The following ALG6 variants were observed in gnomAD, a reference collection of about 807,000 sequenced individuals.
ALG6 encodes ALG6 alpha-1,3-glucosyltransferase.
Under a neutral mutation model 66.6 loss-of-function variants are expected in ALG6, and 46 were observed. The ratio of observed to expected loss-of-function variants is 0.69; its 90% CI spans 0.55 to 0.88. ALG6 has a LOEUF of 0.88. ALG6 is among the 40% of genes least tolerant of loss of function. The pLI is 0.00. For synonymous variants in ALG6, 185 were observed against 203.7 expected, an observed-to-expected ratio of 0.91 and a Z score of 0.78; for missense variants, 505 against 586.8, an observed-to-expected ratio of 0.86 and a Z score of 1.44.
intron 2 of ALG6, among the ~76,000 whole-genome samples, chr1:63,380,284 A>G (rs561813719): frequency 1.1e-4 from 17 of 152,330 alleles, no homozygotes; most frequent in African/African-American, 4.1e-4. Flanking sequence ...GCCAGACTGT[A>G]ATGAACTGAG....
intron 10 of ALG6, 68 bp from the exon 11 acceptor site, chr1:63,415,805 T>G (rs778562358): frequency 2.0e-5 from 19 of 927,132 alleles, no homozygotes; most frequent in Non-Finnish European, 3.1e-5. Flanking sequence ...TAAAAAATAT[T>G]TCCTTATTTA....
chr1:63,422,100 TAA>T (rs1644577495), intron 12 of ALG6, among the ~76,000 whole-genome samples: 1 of 99,500 alleles, frequency 1.0e-5, no homozygotes, highest in African/African-American at 3.7e-5. Flanking sequence ...TATAAATATA[TAA>T]ATATAAATAT....
intron 12 of ALG6, among the ~76,000 whole-genome samples, chr1:63,424,619 G>A (rs1644605397): frequency 6.6e-6 from 1 of 151,802 alleles, no homozygotes; most frequent in Admixed American, 6.6e-5. Context: ...TTTTGATGAA[G>A]TCTAATTTAC....
At chr1:63,405,154 T>C (rs1644483860) in intron 5 of ALG6, among the ~76,000 whole-genome samples, 5 of 152,126 alleles carry the variant, frequency 3.3e-5, no homozygotes, top group Admixed American at 3.3e-4. Flanking sequence ...AGTCAGAGTT[T>C]GTTCTCCTTA....
chr1:63,435,615 G>A (rs934931240), intron 14 of ALG6, among the ~76,000 whole-genome samples: 15 of 152,170 alleles, frequency 9.9e-5, no homozygotes, highest in African/African-American at 2.9e-4. Context: ...GTATACCTGT[G>A]TACTGTGCTA....
intron 2 of ALG6, among the ~76,000 whole-genome samples, chr1:63,383,146 A>G (rs995055015): frequency 4.6e-5 from 7 of 150,614 alleles, no homozygotes; most frequent in Middle Eastern, 7.2e-3. Flanking sequence ...GTCTCGCTCC[A>G]TTGCCCTGTG....
intron 2 of ALG6, among the ~76,000 whole-genome samples, chr1:63,380,989 C>T (rs1437513831): frequency 6.6e-6 from 1 of 152,096 alleles, no homozygotes; most frequent in Admixed American, 6.5e-5. Flanking sequence ...ATATTTTTGT[C>T]ATTTTTCAGA....
intron 12 of ALG6, among the ~76,000 whole-genome samples, chr1:63,423,692 ATAG>A (rs1250756868): frequency 1.3e-5 from 2 of 152,184 alleles, no homozygotes; most frequent in African/African-American, 4.8e-5. Context: ...TTATGCCTGA[ATAG>A]TATTGCATTG....
chr1:63,404,328 A>G, intron 4 of ALG6, 125 bp from the exon 5 acceptor site: 1 of 812,414 alleles, frequency 1.2e-6, no homozygotes, highest in Admixed American at 1.8e-5. Context: ...TTAAGCATTG[A>G]CTCTGTTGCT....
At position 63,371,049 on chromosome 1, in the gene ALG6, T is replaced by C; in HGVS notation, c.72T>C (p.Asn24=). The change falls in exon 2 of 15, where the codon AAT becomes AAC. Residue 24 remains asparagine, a synonymous_variant. Transcript: ENST00000263440. ...GLTVRWTVSL[N]SYSGAGKPPM... is the part of the protein sequence containing the mutation. The stretch of plus-strand genomic sequence containing the variant: ...CAGTACGATGGACAGTGTCTCTTAA[T>C]TCTTATTCAGGTAATACATTTTTAC... 1.9e-6 allele frequency: 3 copies of C among 1,606,144 alleles called. No individual in the cohort carries two copies. The highest frequency in any genetic ancestry group is 2.6e-6 in the Non-Finnish European group (3 of 1,172,896).
rs1644698090 is a variant in ALG6 at position 63,438,347 on chromosome 1, C to T, written c.*1327C>T. 6.6e-6 allele frequency: 1 copy of T among 152,278 alleles called. No homozygotes were observed. Among genetic ancestry groups the T allele is most frequent in the Middle Eastern group, 3.4e-3 (1 of 294 alleles). The allele number at this position is 152,278 out of a possible 1,614,324, so 9.4% of individuals were successfully genotyped here. A position where few individuals can be genotyped will look rare whatever the true frequency, so the allele number is the denominator to read the frequency against. On this transcript the variant is annotated 3_prime_UTR_variant, in exon 15 of 15. Transcript: ENST00000263440. The stretch of plus-strand genomic sequence containing the variant: ...CAGCAAGAACATTGCTGTCCATGGT[C>T]ACCATCTGTAATCACTGTGCCCAAA...
At chr1:63,400,092 G>A (rs538971256) in intron 3 of ALG6, among the ~76,000 whole-genome samples, 1 of 148,338 alleles carries the variant, frequency 6.7e-6, no homozygotes, top group East Asian at 2.0e-4. Flanking sequence ...TACTCAGGAG[G>A]CTGAGGCAGG....
At chr1:63,435,014 G>A (rs371732798) in intron 14 of ALG6, among the ~76,000 whole-genome samples, 13 of 152,318 alleles carry the variant, frequency 8.5e-5, no homozygotes, top group African/African-American at 3.1e-4. Context: ...AGAGAATCAA[G>A]TAAGGCAGTA....
intron 2 of ALG6, among the ~76,000 whole-genome samples, chr1:63,372,758 C>T (rs1647975954): frequency 6.6e-6 from 1 of 152,110 alleles, no homozygotes; most frequent in African/African-American, 2.4e-5. Flanking sequence ...CTCCCAGTTT[C>T]AAGCTATTCT....
In ALG6 at chr1:63,396,510, T is replaced by C. The variant is rs1648830248; in HGVS notation, c.83-3T>C. The stretch of plus-strand genomic sequence containing the variant: ...GTTTTGCTCTTTTTACCTTTGATCT[T>C]AGGTGCTGGTAAACCGCCTATGTTT... On this transcript the variant is annotated splice_polypyrimidine_tract_variant and splice_region_variant and intron_variant, in intron 2 of 14. Coordinates refer to ENST00000263440, the MANE Select transcript of ALG6 (RefSeq NM_013339.4). 6.2e-7 allele frequency: 1 copy of C among 1,613,550 alleles called. No homozygotes were observed. The highest frequency in any genetic ancestry group is 1.7e-5 in the Admixed American group (1 of 60,026).
intron 2 of ALG6, among the ~76,000 whole-genome samples, chr1:63,384,101 C>T (rs896689688): frequency 1.3e-5 from 2 of 152,118 alleles, no homozygotes; most frequent in Admixed American, 6.5e-5. Flanking sequence ...CTATTGTGAA[C>T]GGTGCTGCAA....
At chr1:63,417,734 C>G (rs1344361918) in intron 11 of ALG6, among the ~76,000 whole-genome samples, 1 of 152,128 alleles carries the variant, frequency 6.6e-6, no homozygotes, top group East Asian at 1.9e-4. Context: ...TGACAGATGA[C>G]ATCCCTGCTC....
intron 7 of ALG6, among the ~76,000 whole-genome samples, chr1:63,409,380 T>G (rs1475204224): frequency 6.6e-6 from 1 of 152,170 alleles, no homozygotes; most frequent in African/African-American, 2.4e-5. Context: ...ACTCATGTTC[T>G]TCTGTTCTGC....
At position 63,432,283 on chromosome 1, in the gene ALG6, T is replaced by C. The variant is rs545363271; in HGVS notation, c.1326+3157T>C. 9.2e-5 allele frequency among the ~76,000 whole-genome samples: 14 copies of C among 152,056 alleles called. No homozygotes were observed. In the East Asian group the frequency reaches 2.7e-3, roughly 29 times the overall value. ...GTGTTTTTTTTCTTTTATTCTATTA[T>C]ATGACATATTTCATTGATTGATTTT... On this transcript the variant is annotated intron_variant, in intron 14 of 14. Transcript: ENST00000263440.
Sources: gnomAD v4.1 joint callset for allele counts (sites outside exome capture counted in the v4.1 genomes callset) on GRCh38, gnomAD v4.1.1 for gene constraint, MANE v1.5 for transcripts, NCBI Gene and HGNC (gene_info 2026-07-23, HGNC 2026-07-21) for gene names.